The following NUP188 variants were observed in gnomAD, a reference collection of about 807,000 sequenced individuals.
NUP188 encodes nucleoporin 188.
A neutral mutation model predicts 223.0 loss-of-function variants in NUP188; 97 were observed. That is an observed-to-expected ratio of 0.43 (90% CI 0.37 to 0.51). The LOEUF (loss-of-function observed/expected upper bound fraction) is 0.51. Among genes scored for constraint, NUP188 ranks in the 20% least tolerant of loss-of-function variants. The pLI is 0.00. For missense variants in NUP188, 1,947 were observed against 2,175.6 expected (o/e 0.89, Z 2.09); for synonymous variants, 869 against 828.0 (o/e 1.05, Z -0.85).
chr9:128,999,310 G>A lies in NUP188; in HGVS notation c.3654G>A (p.Glu1218=), dbSNP rs1842594170. The change falls in exon 33 of 44, where the codon GAG becomes GAA. Residue 1218 remains glutamate (E), a synonymous_variant. Transcript: ENST00000372577. ...TCATCACAGTGTTGCAAATGAAGGA[G>A]ATGAAAGGTGAGGGGCAGAGGCAGG... ...SAFITVLQMK[E]MKVSDIPQYS... The A allele has an allele frequency of 6.2e-7, 1 of 1,613,994 alleles. No homozygotes were observed. The highest frequency in any genetic ancestry group is 8.5e-7 in the Non-Finnish European group (1 of 1,179,894).
chr9:128,958,792 G>C lies in NUP188; in HGVS notation c.373-10G>C, dbSNP rs1021818980. ...GGTGAGTAACTGATTTTGAATTTTGGGTTCCTCAGATTGCAGATTATTATT... is the reference window on the plus strand; with the variant it reads ...GGTGAGTAACTGATTTTGAATTTTGCGTTCCTCAGATTGCAGATTATTATT... On this transcript the variant is annotated splice_polypyrimidine_tract_variant and intron_variant, in intron 6 of 43. Coordinates refer to ENST00000372577, the MANE Select transcript of NUP188 (RefSeq NM_015354.3). 2.0e-6 allele frequency: 3 copies of C among 1,523,090 alleles called. No individual in the cohort carries two copies. The East Asian group carries it at 6.8e-5, about 35-fold the overall frequency. The allele number at this position is 1,523,090 out of a possible 1,614,324, so 94.3% of individuals were successfully genotyped here.
intron 8 of NUP188, among the ~76,000 whole-genome samples, chr9:128,967,934 G>C (rs529677388): frequency 1.6e-4 from 24 of 152,172 alleles, no homozygotes; most frequent in Admixed American, 1.3e-3. Flanking sequence ...GGTGTACTCT[G>C]GGTGACAGAG....
rs557337449 is a variant in NUP188 at position 128,956,216 on chromosome 9, T to C, written c.162-134T>C. Reference sequence around the variant, plus strand: ...GTGTGTGTGTGTGTGTGTGTGCGTGTGTGTGTTTGTGTGTGTGTTTATAGG... The same window carrying C: ...GTGTGTGTGTGTGTGTGTGTGCGTGCGTGTGTTTGTGTGTGTGTTTATAGG... On this transcript the variant is annotated intron_variant, in intron 3 of 43. Transcript: ENST00000372577. 1.6e-3 allele frequency: 772 copies of C among 492,008 alleles called. 2 individuals carry two copies. The highest frequency in any genetic ancestry group is 0.012 in the African/African-American group (571 of 49,636). The allele number at this position is 492,008 out of a possible 1,614,324, so 30.5% of individuals were successfully genotyped here. A position where few individuals can be genotyped will look rare whatever the true frequency, so the allele number is the denominator to read the frequency against.
chr9:128,947,800 A>C (rs887086104), intron 1 of NUP188, 49 bp downstream of exon 1: 1 of 1,347,426 alleles, frequency 7.4e-7, no homozygotes, highest in Non-Finnish European at 9.6e-7. Context: ...CGCGGTGTCA[A>C]AGCCGAGCGG....
intron 1 of NUP188, 200 bp downstream of exon 1, chr9:128,947,951 G>C: frequency 2.4e-6 from 1 of 410,422 alleles, no homozygotes; most frequent in Admixed American, 4.4e-5. Flanking sequence ...TTCAGGAGGG[G>C]GGCCGGCTCT....
rs778663001 is a variant in NUP188 at position 128,993,641 on chromosome 9, G to C, written c.2964G>C (p.Leu988Phe). The change falls in exon 27 of 44, where the codon TTG becomes TTC. Residue 988 changes from leucine to phenylalanine, a missense_variant. Physicochemically the swap from Leu to Phe is conservative, Grantham distance 22. This residue lies in a region of NUP188 where 905 missense variants were observed against 990.6 expected (regional missense o/e 0.91). Coordinates refer to ENST00000372577, the MANE Select transcript of NUP188 (RefSeq NM_015354.3). ...PLLHRAAIAF[L>F]HALWQDRRDS... ...TGCATCGTGCCGCCATTGCCTTTTT[G>C]CATGCTCTGTGGCAGGATCGGAGGG... 3 of 1,614,058 alleles carry C rather than the reference G, an allele frequency of 1.9e-6. No individual in the cohort carries two copies. Among genetic ancestry groups the C allele is most frequent in the Non-Finnish European group, 2.5e-6 (3 of 1,180,036 alleles).
intron 12 of NUP188, among the ~76,000 whole-genome samples, chr9:128,976,970 C>G (rs1357649361): frequency 1.3e-5 from 2 of 151,902 alleles, no homozygotes; most frequent in East Asian, 3.9e-4. Flanking sequence ...CCCAGCTACT[C>G]AGGAGGCTGA....
At chr9:128,984,860 A>G in intron 19 of NUP188, 40 bp from the exon 20 acceptor site, 2 of 1,402,002 alleles carry the variant, frequency 1.4e-6, no homozygotes, top group Non-Finnish European at 2.0e-6. Context: ...AAACCTTGAA[A>G]TTTCCCTATC....
In NUP188 at chr9:129,005,651, G is replaced by A; in HGVS notation, c.4744G>A (p.Asp1582Asn). The A allele has an allele frequency of 4.3e-6, 7 of 1,613,624 alleles. No homozygotes were observed. The highest frequency in any genetic ancestry group is 1.3e-5 in the African/African-American group (1 of 74,988). Residue 1582 changes from aspartate to asparagine, a missense_variant, in exon 41 of 44, where the codon GAC becomes AAC. Asp to Asn is a conservative substitution (Grantham distance 23, BLOSUM62 1). Around this residue, in one of 3 missense-constraint regions of NUP188, gnomAD observed 905 missense variants for 990.6 expected, o/e 0.91. Coordinates refer to ENST00000372577, the MANE Select transcript of NUP188 (RefSeq NM_015354.3). The stretch of plus-strand genomic sequence containing the variant: ...CTCTTGTCTTTTCTCGCAGTCCCTG[G>A]ACCTTGCTGAATACAACTTCCTGTT... ...VCQILLDQSL[D>N]LAEYNFLFAL...
intron 8 of NUP188, 124 bp from the exon 9 acceptor site, chr9:128,968,382 A>G: frequency 1.4e-6 from 1 of 703,850 alleles, no homozygotes; most frequent in South Asian, 1.9e-5. Context: ...TTGAGCAGCC[A>G]TAATCTGCCA....
intron 36 of NUP188, among the ~76,000 whole-genome samples, 200 bp downstream of exon 36, chr9:129,002,176 A>G (rs1345010594): frequency 1.3e-5 from 2 of 152,246 alleles, no homozygotes; most frequent in Non-Finnish European, 2.9e-5. Context: ...GCCTTTGTGC[A>G]CTACCTCTGG....
chr9:128,998,222 A>G lies in NUP188; in HGVS notation c.3423A>G (p.Lys1141=). ...QLFLDVLDGT[K]ALLLVPASVN... ...TTCTTGACGTGCTTGATGGAACCAA[A>G]GCATTAGTAAGTGTGTCTGGGAGAT... Residue 1141 remains lysine, a synonymous_variant, in exon 31 of 44, where the codon AAA becomes AAG. Transcript: ENST00000372577. The G allele has an allele frequency of 6.2e-7, 1 of 1,612,664 alleles. No homozygotes were observed.
intron 1 of NUP188, 31 bp downstream of exon 1, chr9:128,947,782 C>T: frequency 1.4e-6 from 2 of 1,388,808 alleles, no homozygotes; most frequent in Admixed American, 3.2e-5. Flanking sequence ...ACCGGGGTGG[C>T]TGTGAAGCGC....
intron 25 of NUP188, among the ~76,000 whole-genome samples, chr9:128,992,516 G>C (rs918261239): frequency 6.6e-6 from 1 of 152,186 alleles, no homozygotes; most frequent in Admixed American, 6.6e-5. Context: ...TTTATGACTG[G>C]CTTCCTTTAC....
At chr9:129,000,440 A>T (rs1404515782) in intron 34 of NUP188, among the ~76,000 whole-genome samples, 3 of 151,904 alleles carry the variant, frequency 2.0e-5, no homozygotes, top group Non-Finnish European at 4.4e-5. Context: ...CACCTCAGCC[A>T]CCCGAGTAGC....
At chr9:128,984,569 T>A (rs1042454633) in intron 19 of NUP188, among the ~76,000 whole-genome samples, 4 of 152,156 alleles carry the variant, frequency 2.6e-5, no homozygotes, top group Non-Finnish European at 5.9e-5. Context: ...TTTTTCTCAT[T>A]TCATGGGTTC....
intron 12 of NUP188, among the ~76,000 whole-genome samples, chr9:128,974,649 C>T (rs1449010229): frequency 1.3e-5 from 2 of 152,008 alleles, no homozygotes; most frequent in Non-Finnish European, 2.9e-5. Context: ...CCTTTTTCTG[C>T]CCCTTCCCTC....
At chr9:128,980,248 G>GT (rs1842236833) in intron 13 of NUP188, among the ~76,000 whole-genome samples, 1 of 152,178 alleles carries the variant, frequency 6.6e-6, no homozygotes, top group African/African-American at 2.4e-5. Flanking sequence ...GTATGAAACA[G>GT]TATCTAGAGT....
Position 129,003,444 on chromosome 9 carries a change from G to C in NUP188, c.4424G>C (p.Arg1475Pro). The C allele has an allele frequency of 6.2e-7, 1 of 1,610,520 alleles. No individual in the cohort carries two copies. Among genetic ancestry groups the C allele is most frequent in the Non-Finnish European group, 8.5e-7 (1 of 1,179,948 alleles). Residue 1475 changes from arginine to proline, a missense_variant, in exon 38 of 44, where the codon CGT becomes CCT. By Grantham distance (103) the Arg-to-Pro change is moderately radical. Around this residue, in one of 3 missense-constraint regions of NUP188, gnomAD observed 905 missense variants for 990.6 expected, o/e 0.91. Coordinates refer to ENST00000372577, the MANE Select transcript of NUP188 (RefSeq NM_015354.3). ...EWHFHLPQLM[R>P]DIQVNLGYLC... ...CACTTCCACCTGCCTCAGCTCATGC[G>C]TGATATCCAGGTGGGGGCCCAAGAT...
Sources: allele counts gnomAD v4.1 joint callset (sites outside exome capture counted in the v4.1 genomes callset), GRCh38; gene constraint gnomAD v4.1.1; regional missense constraint gnomAD v4.1.1; transcripts MANE v1.5; gene names NCBI Gene and HGNC (gene_info 2026-07-23, HGNC 2026-07-21).